The following MINDY4 variants were observed in gnomAD, a reference collection of about 807,000 sequenced individuals.
MINDY4 encodes the protein MINDY lysine 48 deubiquitinase 4.
In MINDY4, 68 loss-of-function variants were observed where a neutral mutation model predicts 87.0. The ratio of observed to expected loss-of-function variants is 0.78; its 90% CI spans 0.64 to 0.96. MINDY4 has a LOEUF of 0.96. Among genes scored for constraint, MINDY4 ranks in the 40% least tolerant of loss-of-function variants. The pLI is 0.00. For synonymous variants in MINDY4, 379 were observed against 363.2 expected, an observed-to-expected ratio of 1.04 and a Z score of -0.50; for missense variants, 919 against 928.2, an observed-to-expected ratio of 0.99 and a Z score of 0.13.
intron 9 of MINDY4, among the ~76,000 whole-genome samples, chr7:30,847,509 T>C (rs1789258611): frequency 6.6e-6 from 1 of 151,850 alleles, no homozygotes; most frequent in Admixed American, 6.6e-5. Context: ...AAGCTCTCCT[T>C]CCTTCCTCAG....
intron 6 of MINDY4, among the ~76,000 whole-genome samples, chr7:30,829,284 CT>C (rs1340829553): frequency 4.1e-5 from 6 of 145,764 alleles, no homozygotes; most frequent in Non-Finnish European, 6.0e-5. Flanking sequence ...TTGAAGCAAA[CT>C]TTTTTTCTCT....
chr7:30,786,636 A>T (rs1165164948), intron 4 of MINDY4: 1 of 151,974 alleles, frequency 6.6e-6, no homozygotes, highest in East Asian at 1.9e-4. Context: ...AAAAGAAAAA[A>T]AAAAAAAAAA....
rs180842837 is a variant in MINDY4, at chr7:30,872,845, C to A, written c.1809+539C>A. 3.0e-3 allele frequency among the ~76,000 whole-genome samples: 454 copies of A among 152,340 alleles called. 1 individual carries two copies. Among genetic ancestry groups the A allele is most frequent in the African/African-American group, 0.01 (425 of 41,592 alleles). ...CACCCAGGTGACACCAGGGAAGGGA[C>A]CTTTTCAAGATGTTACCTAGTGAGC... On this transcript the variant is annotated intron_variant, in intron 14 of 17. Transcript: ENST00000265299.
At chr7:30,882,048 TC>T in intron 15 of MINDY4, 132 bp from the exon 16 acceptor site, 1 of 904,524 alleles carries the variant, frequency 1.1e-6, no homozygotes. Context: ...CGTGAGGGGC[TC>T]CCAGCATCAG....
At chr7:30,793,952 C>T (rs1416077292) in intron 5 of MINDY4, among the ~76,000 whole-genome samples, 3 of 152,130 alleles carry the variant, frequency 2.0e-5, no homozygotes, top group Non-Finnish European at 2.9e-5. Context: ...TTATTATCCC[C>T]ATTTCACAGA....
In MINDY4 at chr7:30,840,794, G is replaced by T; in HGVS notation, c.1391G>T (p.Gly464Val). ...GPCGVLAAVQ[G>V]CVLQKLLFEG... is the part of the protein sequence containing the mutation. The stretch of plus-strand genomic sequence containing the variant: ...TGCGGAGTCCTGGCAGCTGTCCAAG[G>T]CTGTGTCCTACAGAAACTCCTGTTT... Residue 464 changes from glycine to valine, a missense_variant, in exon 9 of 18, where the codon GGC becomes GTC. Gly to Val is a moderately radical substitution (Grantham distance 109). Transcript: ENST00000265299. The T allele has an allele frequency of 6.2e-7, 1 of 1,614,174 alleles. No individual in the cohort carries two copies. Among genetic ancestry groups the T allele is most frequent in the Non-Finnish European group, 8.5e-7 (1 of 1,180,016 alleles).
In MINDY4 at chr7:30,840,782, C is replaced by T; in HGVS notation, c.1379C>T (p.Ala460Val). 1.2e-6 allele frequency: 2 copies of T among 1,614,156 alleles called. No homozygotes were observed. Among genetic ancestry groups the T allele is most frequent in the Non-Finnish European group, 1.7e-6 (2 of 1,180,020 alleles). ...QNKGGPCGVLAAVQGCVLQKL... is the reference protein window; with the variant it reads ...QNKGGPCGVLVAVQGCVLQKL... ...CAGGGTGGTCCTTGCGGAGTCCTGG[C>T]AGCTGTCCAAGGCTGTGTCCTACAG... Residue 460 changes from alanine (A) to valine (V), a missense_variant, in exon 9 of 18, where the codon GCA becomes GTA. Coordinates refer to ENST00000265299, the MANE Select transcript of MINDY4 (RefSeq NM_032222.3).
At chr7:30,818,964 C>A (rs1260058925) in intron 5 of MINDY4, among the ~76,000 whole-genome samples, 4 of 152,156 alleles carry the variant, frequency 2.6e-5, no homozygotes. Flanking sequence ...ATACTCTCTT[C>A]TCTTTATCAA....
At chr7:30,793,165 TA>T (rs1053499479) in intron 5 of MINDY4, among the ~76,000 whole-genome samples, 19 of 65,458 alleles carry the variant, frequency 2.9e-4, no homozygotes, top group Middle Eastern at 6.8e-3. Context: ...TTTAATTGTT[TA>T]TATATGTATT....
intron 1 of MINDY4, among the ~76,000 whole-genome samples, chr7:30,772,035 G>T (rs767151607): frequency 6.6e-6 from 1 of 152,274 alleles, no homozygotes; most frequent in Non-Finnish European, 1.5e-5. Flanking sequence ...AGTCAACAGT[G>T]GGAATTCCAG....
chr7:30,852,725 A>G (rs1789451423), intron 11 of MINDY4, among the ~76,000 whole-genome samples: 1 of 152,236 alleles, frequency 6.6e-6, no homozygotes, highest in Non-Finnish European at 1.5e-5. Flanking sequence ...GTCATACACA[A>G]TCGGGGAAAT....
intron 4 of MINDY4, among the ~76,000 whole-genome samples, chr7:30,790,376 G>A (rs1400921325): frequency 6.6e-6 from 1 of 152,158 alleles, no homozygotes; most frequent in East Asian, 1.9e-4. Flanking sequence ...TAAAAAGACT[G>A]TAAGCAGCCT....
At chr7:30,817,828 A>G (rs1289076091) in intron 5 of MINDY4, among the ~76,000 whole-genome samples, 1 of 152,230 alleles carries the variant, frequency 6.6e-6, no homozygotes, top group East Asian at 1.9e-4. Context: ...CTCATTCATT[A>G]TAATCTAACC....
chr7:30,829,365 C>A (rs58682391), intron 6 of MINDY4, among the ~76,000 whole-genome samples: 54,408 of 152,030 alleles, frequency 0.36, 12,240 homozygotes, highest in African/African-American at 0.62. Context: ...CTAGAGACTG[C>A]GGATGTTGAG....
intron 5 of MINDY4, 61 bp downstream of exon 5, chr7:30,791,635 T>A: frequency 6.6e-7 from 1 of 1,517,928 alleles, no homozygotes; most frequent in East Asian, 2.3e-5. Context: ...TCACATGTTG[T>A]CTAGTCCCTA....
rs191702079 is a variant in MINDY4, at chr7:30,836,787, G to C, written c.1239+23G>C. The C allele has an allele frequency of 2.0e-5, 31 of 1,568,832 alleles. No individual in the cohort carries two copies. In the East Asian group the frequency reaches 6.9e-4, roughly 35 times the overall value. On this transcript the variant is annotated intron_variant, in intron 7 of 17. Coordinates refer to ENST00000265299, the MANE Select transcript of MINDY4 (RefSeq NM_032222.3). Reference sequence around the variant, plus strand: ...AAGGTAAGTGTAAGGAGACTCCTGGGTTAAATGTGTCTTGATTTGAATGGA... The same window carrying C: ...AAGGTAAGTGTAAGGAGACTCCTGGCTTAAATGTGTCTTGATTTGAATGGA...
chr7:30,839,357 C>T, intron 8 of MINDY4, 41 bp downstream of exon 8: 1 of 1,311,530 alleles, frequency 7.6e-7, no homozygotes, highest in Non-Finnish European at 1.1e-6. Context: ...TTCTGCTGGG[C>T]CATCATGCAT....
chr7:30,824,780 C>A (rs1356365322), intron 5 of MINDY4, among the ~76,000 whole-genome samples: 3 of 152,110 alleles, frequency 2.0e-5, no homozygotes, highest in African/African-American at 7.2e-5. Context: ...TGATATGTTG[C>A]CCAGGCTGGC....
chr7:30,871,654 G>A (rs533561357), intron 13 of MINDY4, among the ~76,000 whole-genome samples: 17 of 152,294 alleles, frequency 1.1e-4, no homozygotes, highest in Admixed American at 9.8e-4. Context: ...GGTACCAGGG[G>A]GTGGGGGCAC....
Sources: allele counts gnomAD v4.1 joint callset (sites outside exome capture counted in the v4.1 genomes callset), GRCh38; gene constraint gnomAD v4.1.1; transcripts MANE v1.5; gene names NCBI Gene and HGNC (gene_info 2026-07-23, HGNC 2026-07-21).